B4GALT6: variants seen among roughly 807,000 people sequenced by gnomAD.
B4GALT6 encodes beta-1,4-galactosyltransferase 6, also known as UDP-Gal:beta-GlcNAc beta-1,4-galactosyltransferase 6.
In B4GALT6, 14 loss-of-function variants were observed where a neutral mutation model predicts 46.3. The observed-to-expected ratio is 0.30, with a 90% CI of 0.20 to 0.47. The LOEUF is 0.47. B4GALT6 is among the 20% of genes least tolerant of loss of function. The pLI, the probability that B4GALT6 is intolerant of heterozygous loss-of-function variation, is 0.99. For missense variants in B4GALT6, 386 were observed against 480.1 expected (o/e 0.80, Z 1.83); for synonymous variants, 168 against 162.0 (o/e 1.04, Z -0.28).
chr18:31,646,701 G>A (rs1473049577), intron 3 of B4GALT6, among the ~76,000 whole-genome samples: 1 of 152,146 alleles, frequency 6.6e-6, no homozygotes, highest in Non-Finnish European at 1.5e-5. Flanking sequence ...TTCCTCTCTA[G>A]AGAGCCTCTT....
At chr18:31,722,633 G>A in the B4GALT6 span, among the ~76,000 whole-genome samples, 10 of 152,302 alleles carry the variant, frequency 6.6e-5, no homozygotes, top group East Asian at 1.9e-3. Context: ...CTTAGCCTAG[G>A]AGCACAGGCC....
the B4GALT6 span, among the ~76,000 whole-genome samples, chr18:31,713,712 C>A: frequency 2.0e-5 from 3 of 152,116 alleles, no homozygotes; most frequent in Non-Finnish European, 4.4e-5. Context: ...TAATCTTTTT[C>A]ATAAAGATGA....
chr18:31,661,696 A>G (rs2074219297), intron 2 of B4GALT6, among the ~76,000 whole-genome samples: 1 of 152,198 alleles, frequency 6.6e-6, no homozygotes, highest in Non-Finnish European at 1.5e-5. Flanking sequence ...CACAGGAATG[A>G]GACAATAAAT....
chr18:31,652,421 G>GC (rs1226283760), intron 3 of B4GALT6, among the ~76,000 whole-genome samples: 1 of 151,624 alleles, frequency 6.6e-6, no homozygotes, highest in Non-Finnish European at 1.5e-5. Context: ...TTCCTGCCTC[G>GC]CCCCCCAGAC....
chr18:31,694,224 C>G, the B4GALT6 span, among the ~76,000 whole-genome samples: 1 of 152,268 alleles, frequency 6.6e-6, no homozygotes, highest in South Asian at 2.1e-4. Context: ...AATAATATGC[C>G]TGAGAAAGAA....
chr18:31,673,299 G>A (rs762226843), intron 1 of B4GALT6, among the ~76,000 whole-genome samples: 7 of 152,190 alleles, frequency 4.6e-5, no homozygotes, highest in Admixed American at 1.3e-4. Context: ...GTGAAAGGAC[G>A]AGAAGTCATT....
At chr18:31,664,361 C>T (rs932927337) in intron 2 of B4GALT6, among the ~76,000 whole-genome samples, 1 of 152,102 alleles carries the variant, frequency 6.6e-6, no homozygotes, top group Non-Finnish European at 1.5e-5. Context: ...AAACCTAATC[C>T]CTAATGTATA....
At chr18:31,696,471 T>C in the B4GALT6 span, among the ~76,000 whole-genome samples, 1 of 152,222 alleles carries the variant, frequency 6.6e-6, no homozygotes, top group South Asian at 2.1e-4. Context: ...CTTTTTCACT[T>C]TTCTACATTC....
intron 1 of B4GALT6, among the ~76,000 whole-genome samples, chr18:31,678,592 C>T (rs908966799): frequency 6.6e-6 from 1 of 152,222 alleles, no homozygotes; most frequent in Non-Finnish European, 1.5e-5. Context: ...GTGACACTTT[C>T]GGCAAGTGGC....
the B4GALT6 span, chr18:31,724,383 C>T: frequency 9.1e-7 from 1 of 1,096,128 alleles, no homozygotes; most frequent in Non-Finnish European, 1.1e-6. Context: ...TGACCTCTGA[C>T]TCCCTGGGGC....
the B4GALT6 span, among the ~76,000 whole-genome samples, chr18:31,694,625 G>A: frequency 6.6e-6 from 1 of 152,286 alleles, no homozygotes; most frequent in African/African-American, 2.4e-5. Context: ...TTGTTCACAG[G>A]ATATTTGCAG....
At chr18:31,688,733 C>T (rs2030012552), upstream of B4GALT6, among the ~76,000 whole-genome samples, 2 of 152,078 alleles carry the variant, frequency 1.3e-5, no homozygotes, top group Admixed American at 1.3e-4. Flanking sequence ...ATTATTATGT[C>T]CTTCTGAGAT....
the B4GALT6 span, among the ~76,000 whole-genome samples, chr18:31,701,652 G>A: frequency 6.6e-6 from 1 of 152,126 alleles, no homozygotes; most frequent in Non-Finnish European, 1.5e-5. Flanking sequence ...AATGTAAAAA[G>A]TAAAATGGTT....
intron 1 of B4GALT6, among the ~76,000 whole-genome samples, chr18:31,672,427 A>G (rs2074367002): frequency 6.6e-6 from 1 of 152,238 alleles, no homozygotes; most frequent in Non-Finnish European, 1.5e-5. Context: ...AAAATTATCC[A>G]AAAAGGAGAT....
chr18:31,625,664 T>C lies in B4GALT6; in HGVS notation c.1099A>G (p.Asn367Asp). The change falls in exon 9 of 9, where the codon AAC becomes GAC. Residue 367 changes from asparagine to aspartate, a missense_variant. By Grantham distance (23) the Asn-to-Asp change is conservative. Transcript: ENST00000306851. The stretch of plus-strand genomic sequence containing the variant: ...TCTGGCATGAGGTTTACAGATATGT[T>C]TGTATACAACCTATCAACCAGTATT... ...PKILVDRLYT[N>D]ISVNLMPELA... 1 of 1,613,638 alleles carries C rather than the reference T, an allele frequency of 6.2e-7. No homozygotes were observed. The highest frequency in any genetic ancestry group is 8.5e-7 in the Non-Finnish European group (1 of 1,179,776).
Position 31,626,357 on chromosome 18 carries a change from G to C in B4GALT6, c.927C>G (p.Thr309=), listed in dbSNP as rs548668049. 1 of 1,603,438 alleles carries C rather than the reference G, an allele frequency of 6.2e-7. No individual in the cohort carries two copies. The highest frequency in any genetic ancestry group is 1.3e-5 in the African/African-American group (1 of 74,708). Residue 309 remains threonine (T), a synonymous_variant, in exon 8 of 9, where the codon ACC becomes ACG. Transcript: ENST00000306851. ...NRVHYAGYNV[T]RPEGDLGKYK... is the part of the protein sequence containing the mutation. ...ATTTTCCTAAGTCTCCCTCTGGTCT[G>C]GTTACATTATATCCAGCATAGTGAA...
the B4GALT6 span, among the ~76,000 whole-genome samples, chr18:31,693,144 C>T: frequency 2.0e-5 from 3 of 152,158 alleles, no homozygotes; most frequent in Non-Finnish European, 4.4e-5. Context: ...CTTGTTTGTA[C>T]CTTAACTTTG....
chr18:31,698,575 G>A, the B4GALT6 span, among the ~76,000 whole-genome samples: 1 of 151,808 alleles, frequency 6.6e-6, no homozygotes, highest in Non-Finnish European at 1.5e-5. Flanking sequence ...AGATTGCAGT[G>A]AGCCAAGATC....
In B4GALT6 at chr18:31,669,044, G is replaced by A. The variant is rs555893824; in HGVS notation, c.116-2672C>T. On this transcript the variant is annotated intron_variant, in intron 1 of 8. Transcript: ENST00000306851. ...AAAAAAAAAAAAAAAGTTGTAATCA[G>A]ACACCTGTTCCAATTCCTCTCTGTC... is the stretch of plus-strand genomic sequence containing the variant. 7.3e-5 allele frequency among the ~76,000 whole-genome samples: 11 copies of A among 151,222 alleles called. No homozygotes were observed. In the East Asian group the frequency reaches 1.9e-3, roughly 27 times the overall value.
Sources: gnomAD v4.1 joint callset for allele counts (sites outside exome capture counted in the v4.1 genomes callset) on GRCh38, gnomAD v4.1.1 for gene constraint, MANE v1.5 for transcripts, NCBI Gene and HGNC (gene_info 2026-07-23, HGNC 2026-07-21) for gene names.